The following ZFAND3 variants were observed in gnomAD, a reference collection of about 807,000 sequenced individuals.
ZFAND3 encodes the protein zinc finger AN1-type containing 3, also known as AN1-type zinc finger protein 3.
Under a neutral mutation model 29.6 loss-of-function variants are expected in ZFAND3, and 10 were observed. That is an observed-to-expected ratio of 0.34 (90% confidence interval 0.21 to 0.57). The LOEUF is 0.57. ZFAND3 is among the 20% of genes least tolerant of loss of function. The pLI, the probability that ZFAND3 is intolerant of heterozygous loss-of-function variation, is 0.86. For missense variants in ZFAND3, 230 were observed against 304.5 expected, an observed-to-expected ratio of 0.76 and a Z score of 1.82; for synonymous variants, 128 against 112.6, an observed-to-expected ratio of 1.14 and a Z score of -0.87.
intron 2 of ZFAND3, among the ~76,000 whole-genome samples, chr6:38,030,423 C>T (rs553861310): frequency 4.6e-5 from 7 of 152,018 alleles, no homozygotes; most frequent in East Asian, 3.9e-4. Context: ...TCAAAACATA[C>T]AAAATATAGA....
At position 37,934,112 on chromosome 6, in the gene ZFAND3, T is replaced by G. The variant is rs571008625; in HGVS notation, c.112+4113T>G. Among the ~76,000 whole-genome samples, 3 of 152,052 alleles carry G rather than the reference T, an allele frequency of 2.0e-5. No individual in the cohort carries two copies. In the South Asian group the frequency reaches 6.2e-4, roughly 31 times the overall value. Reference sequence around the variant, plus strand: ...CATGTTGGTCACAGTGGCCTTGAACTCCTGAGCTCAGGTGATCCGCCCACC... The same window carrying G: ...CATGTTGGTCACAGTGGCCTTGAACGCCTGAGCTCAGGTGATCCGCCCACC... On this transcript the variant is annotated intron_variant, in intron 2 of 5. Coordinates refer to ENST00000287218, the MANE Select transcript of ZFAND3 (RefSeq NM_021943.3).
At chr6:38,126,078 T>G (rs1052783143) in intron 5 of ZFAND3, among the ~76,000 whole-genome samples, 18 of 152,210 alleles carry the variant, frequency 1.2e-4, no homozygotes, top group Non-Finnish European at 2.2e-4. Context: ...ATGCCCCTTT[T>G]CAGTCGATCC....
chr6:38,125,194 A>G (rs539696829), intron 5 of ZFAND3, among the ~76,000 whole-genome samples: 7 of 152,354 alleles, frequency 4.6e-5, no homozygotes, highest in African/African-American at 9.6e-5. Flanking sequence ...TTACCTAAAC[A>G]TAAGTATGCT....
At chr6:37,913,618 C>G (rs1473978592) in intron 1 of ZFAND3, among the ~76,000 whole-genome samples, 4 of 151,826 alleles carry the variant, frequency 2.6e-5, no homozygotes, top group Non-Finnish European at 5.9e-5. Context: ...AGAGGTATCA[C>G]AGATGTTCTT....
chr6:37,837,031 G>A (rs764028010), intron 1 of ZFAND3, among the ~76,000 whole-genome samples: 2 of 152,130 alleles, frequency 1.3e-5, no homozygotes, highest in African/African-American at 2.4e-5. Flanking sequence ...GTGCATCTGT[G>A]TTGCTGAAAA....
chr6:37,930,045 CTT>C (rs370975464), intron 2 of ZFAND3, 46 bp downstream of exon 2: 3,737 of 1,130,110 alleles, frequency 3.3e-3, no homozygotes, highest in South Asian at 6.2e-3. Flanking sequence ...ATTTTTCTTT[CTT>C]TTTTTTTTTT....
At chr6:37,914,870 A>C (rs1761211221) in intron 1 of ZFAND3, among the ~76,000 whole-genome samples, 1 of 150,312 alleles carries the variant, frequency 6.7e-6, no homozygotes, top group Admixed American at 6.6e-5. Flanking sequence ...CTTCAACTTA[A>C]AGTCACCAGC....
At chr6:37,899,937 T>C (rs1040721713) in intron 1 of ZFAND3, among the ~76,000 whole-genome samples, 1 of 152,248 alleles carries the variant, frequency 6.6e-6, no homozygotes, top group Non-Finnish European at 1.5e-5. Flanking sequence ...GCATGTACTA[T>C]ACATACTATT....
At chr6:38,061,412 A>G (rs780409136) in intron 2 of ZFAND3, among the ~76,000 whole-genome samples, 181 bp from the exon 3 acceptor site, 5 of 152,158 alleles carry the variant, frequency 3.3e-5, no homozygotes, top group Non-Finnish European at 7.4e-5. Flanking sequence ...TTTTAACTCT[A>G]GTACCTTCCA....
rs576948267 is a variant in ZFAND3 at position 38,075,951 on chromosome 6, A to G, written c.296-6441A>G. On this transcript the variant is annotated intron_variant, in intron 3 of 5. Transcript: ENST00000287218. The stretch of plus-strand genomic sequence containing the variant: ...GTATTTTTAGTAGAGATTGGGTTTC[A>G]CCGTGTTAGCCAGGATGGTCTCAAT... Among the ~76,000 whole-genome samples, 19 of 152,194 alleles carry G rather than the reference A, an allele frequency of 1.2e-4. No individual in the cohort carries two copies. The South Asian group carries it at 3.7e-3, about 30-fold the overall frequency.
intron 2 of ZFAND3, among the ~76,000 whole-genome samples, chr6:37,961,035 AC>A (rs952397601): frequency 4.6e-5 from 7 of 152,178 alleles, no homozygotes; most frequent in Non-Finnish European, 1.0e-4. Flanking sequence ...TGATTGCAGT[AC>A]TACATTCAGC....
chr6:37,868,824 A>G (rs1273259686), intron 1 of ZFAND3, among the ~76,000 whole-genome samples: 2 of 152,220 alleles, frequency 1.3e-5, no homozygotes, highest in Non-Finnish European at 2.9e-5. Context: ...TCTTTGTCAC[A>G]ATTTGATATG....
intron 4 of ZFAND3, among the ~76,000 whole-genome samples, chr6:38,098,765 G>A (rs971745488): frequency 1.3e-5 from 2 of 152,102 alleles, no homozygotes; most frequent in African/African-American, 4.8e-5. Flanking sequence ...GCCTCCCAAA[G>A]TGCTAGGATT....
rs1218636692 is a variant in ZFAND3, at chr6:37,916,869, TG to T, written c.72-13088del. On this transcript the variant is annotated intron_variant, in intron 1 of 5. Coordinates refer to ENST00000287218, the MANE Select transcript of ZFAND3 (RefSeq NM_021943.3). The stretch of plus-strand genomic sequence containing the variant: ...GCTGTTCTGCTCTGTCCTGCCCTGG[TG>T]GCGAATCATCCCCTTCTCCAGTATA... Among the ~76,000 whole-genome samples the T allele has an allele frequency of 2.6e-5, 4 of 152,348 alleles. No homozygotes were observed. The East Asian group carries it at 7.7e-4, about 29-fold the overall frequency.
Position 37,908,840 on chromosome 6 carries a change from T to C in ZFAND3, c.72-21119T>C, listed in dbSNP as rs536666560. On this transcript the variant is annotated intron_variant, in intron 1 of 5. Transcript: ENST00000287218. ...CTTTCTCTTTGTATTAAGTAATTTG[T>C]AGGATGAAACTTTGAAACCGTATGG... Among the ~76,000 whole-genome samples, 17 of 152,270 alleles carry C rather than the reference T, an allele frequency of 1.1e-4. No homozygotes were observed. The East Asian group carries it at 3.3e-3, about 29-fold the overall frequency.
intron 4 of ZFAND3, among the ~76,000 whole-genome samples, chr6:38,095,459 A>C (rs979323585): frequency 1.3e-5 from 2 of 151,436 alleles, no homozygotes; most frequent in South Asian, 4.2e-4. Context: ...ATTTGGTTTT[A>C]CGTCACCACT....
chr6:37,899,229 T>A (rs1272708040), intron 1 of ZFAND3, among the ~76,000 whole-genome samples: 3 of 152,204 alleles, frequency 2.0e-5, no homozygotes, highest in Non-Finnish European at 2.9e-5. Flanking sequence ...GATTCCTTTT[T>A]CTTTTGATGA....
chr6:38,078,941 A>G (rs1764605714), intron 3 of ZFAND3, among the ~76,000 whole-genome samples: 1 of 151,812 alleles, frequency 6.6e-6, no homozygotes, highest in Admixed American at 6.6e-5. Context: ...CTTAATGTCA[A>G]CTCTCAAAAC....
intron 2 of ZFAND3, among the ~76,000 whole-genome samples, chr6:38,036,663 A>T (rs1002808436): frequency 1.3e-5 from 2 of 152,252 alleles, no homozygotes; most frequent in African/African-American, 4.8e-5. Context: ...ATCAATAAAG[A>T]GATTATACAA....
Sources: gnomAD v4.1 joint callset for allele counts (sites outside exome capture counted in the v4.1 genomes callset) on GRCh38, gnomAD v4.1.1 for gene constraint, MANE v1.5 for transcripts, NCBI Gene and HGNC (gene_info 2026-07-23, HGNC 2026-07-21) for gene names.